The following MRTFA variants were observed in gnomAD, a reference collection of about 807,000 sequenced individuals.
MRTFA encodes the protein myocardin related transcription factor A, also known as myocardin-related transcription factor A.
In MRTFA, 20 loss-of-function variants were observed where a neutral mutation model predicts 83.5. That is an observed-to-expected ratio of 0.24 (90% CI 0.17 to 0.35). The LOEUF (loss-of-function observed/expected upper bound fraction) is 0.35, where lower values mean the gene tolerates loss of function less well. Ranked by LOEUF, MRTFA falls within the 10% of genes least tolerant of loss-of-function variation. The probability of loss-of-function intolerance (pLI) is 1.00; values close to 1 mark genes in which losing one functional copy is unlikely to be tolerated. For missense variants in MRTFA, 1,200 were observed against 1,224.7 expected, an observed-to-expected ratio of 0.98 and a Z score of 0.30; for synonymous variants, 659 against 541.2, an observed-to-expected ratio of 1.22 and a Z score of -3.02.
intron 3 of MRTFA, among the ~76,000 whole-genome samples, chr22:40,474,639 T>C (rs1366891226): frequency 6.7e-6 from 1 of 149,638 alleles, no homozygotes; most frequent in East Asian, 2.0e-4. Flanking sequence ...GAGGGCCTAC[T>C]GTATGCCAGA....
intron 3 of MRTFA, among the ~76,000 whole-genome samples, chr22:40,478,842 TGAAGACCCTTA>T (rs1167389603): frequency 6.6e-6 from 1 of 152,186 alleles, no homozygotes; most frequent in Non-Finnish European, 1.5e-5. Flanking sequence ...ACCTTTCATC[TGAAGACCCTTA>T]GATTGACCCC....
chr22:40,450,652 T>G (rs1396211686), intron 4 of MRTFA, among the ~76,000 whole-genome samples: 1 of 151,838 alleles, frequency 6.6e-6, no homozygotes, highest in Non-Finnish European at 1.5e-5. Context: ...GAAACAGGGT[T>G]TCATCACATT....
rs556478203 is a variant in MRTFA, at chr22:40,603,336, C to T, written c.-83-8601G>A. On this transcript the variant is annotated intron_variant, in intron 1 of 14. Transcript: ENST00000355630. ...TCATTTTCCAGACAAATCTTAAAGG[C>T]CTGTAATTTACAACATCAAAAAGTA... Among the ~76,000 whole-genome samples the T allele has an allele frequency of 7.2e-5, 11 of 152,266 alleles. 1 individual carries two copies. In the South Asian group the frequency reaches 2.3e-3, roughly 32 times the overall value.
intron 1 of MRTFA, among the ~76,000 whole-genome samples, chr22:40,599,635 A>G (rs538776862): frequency 9.9e-5 from 15 of 152,162 alleles, no homozygotes; most frequent in Non-Finnish European, 1.9e-4. Context: ...AGTGGCTCAC[A>G]CCTGTAATTC....
At chr22:40,476,616 C>T (rs1349374811) in intron 3 of MRTFA, among the ~76,000 whole-genome samples, 1 of 152,062 alleles carries the variant, frequency 6.6e-6, no homozygotes, top group African/African-American at 2.4e-5. Flanking sequence ...CACGCACCAC[C>T]ACAAATGGCT....
At chr22:40,576,024 ATTTC>A (rs2055862633) in intron 2 of MRTFA, among the ~76,000 whole-genome samples, 1 of 146,256 alleles carries the variant, frequency 6.8e-6, no homozygotes, top group Non-Finnish European at 1.5e-5. Flanking sequence ...ATAGATGTAA[ATTTC>A]TTTTTTTTTT....
chr22:40,586,361 T>C (rs1569340519), intron 2 of MRTFA, among the ~76,000 whole-genome samples: 2 of 151,962 alleles, frequency 1.3e-5, no homozygotes, highest in African/African-American at 2.4e-5. Flanking sequence ...CCATCAACCA[T>C]GAAGATACAA....
At position 40,573,988 on chromosome 22, in the gene MRTFA, A is replaced by C. The variant is rs562185789; in HGVS notation, c.-22+20686T>G. Among the ~76,000 whole-genome samples the C allele has an allele frequency of 3.9e-5, 6 of 152,036 alleles. No individual in the cohort carries two copies. The South Asian group carries it at 1.0e-3, about 26-fold the overall frequency. Reference sequence around the variant, plus strand: ...TGGTCTCGAATTCATGGGCTCAAACAATCCTCCTGCCTTGGCCTCCCAAAA... The same window carrying C: ...TGGTCTCGAATTCATGGGCTCAAACCATCCTCCTGCCTTGGCCTCCCAAAA... On this transcript the variant is annotated intron_variant, in intron 2 of 14. Transcript: ENST00000355630.
intron 4 of MRTFA, among the ~76,000 whole-genome samples, chr22:40,459,672 T>C (rs969619962): frequency 6.6e-6 from 1 of 151,252 alleles, no homozygotes; most frequent in African/African-American, 2.4e-5. Flanking sequence ...TATTTCAGTT[T>C]GTCAGACTCT....
At chr22:40,592,788 C>T (rs2056140590) in intron 2 of MRTFA, among the ~76,000 whole-genome samples, 1 of 152,146 alleles carries the variant, frequency 6.6e-6, no homozygotes, top group Non-Finnish European at 1.5e-5. Context: ...CTACCACACC[C>T]AGCCTGGTAA....
At chr22:40,509,358 G>A (rs888286704) in intron 3 of MRTFA, among the ~76,000 whole-genome samples, 5 of 152,120 alleles carry the variant, frequency 3.3e-5, no homozygotes, top group African/African-American at 1.2e-4. Context: ...AGAATATAAT[G>A]CCAATATCAT....
In MRTFA at chr22:40,494,328, G is replaced by A. The variant is rs751119481; in HGVS notation, c.242-31042C>T. Among the ~76,000 whole-genome samples, 139 of 152,114 alleles carry A rather than the reference G, an allele frequency of 9.1e-4. 1 individual carries two copies. In the Middle Eastern group the frequency reaches 0.02, roughly 22 times the overall value. ...AAAAAAGAGCTATATGTGAATATTC[G>A]TAGCAGCTTTATTTGTGATTGCCAA... On this transcript the variant is annotated intron_variant, in intron 3 of 14. Coordinates refer to ENST00000355630, the MANE Select transcript of MRTFA (RefSeq NM_020831.6).
intron 1 of MRTFA, among the ~76,000 whole-genome samples, chr22:40,623,735 T>C (rs977824376): frequency 1.3e-5 from 2 of 152,214 alleles, no homozygotes; most frequent in Non-Finnish European, 2.9e-5. Flanking sequence ...AAAATTAACA[T>C]GTATTAAATA....
intron 2 of MRTFA, among the ~76,000 whole-genome samples, chr22:40,564,481 C>T (rs189679498): frequency 1.2e-3 from 187 of 152,212 alleles, no homozygotes; most frequent in African/African-American, 3.9e-3. Context: ...GTTGATAATT[C>T]ATAAATTCCT....
chr22:40,419,954 C>T (rs541474374), intron 11 of MRTFA, among the ~76,000 whole-genome samples: 3 of 152,302 alleles, frequency 2.0e-5, no homozygotes, highest in African/African-American at 4.8e-5. Flanking sequence ...CTGCATTAAC[C>T]GGCAAAGGGG....
intron 2 of MRTFA, among the ~76,000 whole-genome samples, chr22:40,567,417 A>G (rs764423746): frequency 2.0e-5 from 3 of 152,254 alleles, no homozygotes; most frequent in Non-Finnish European, 4.4e-5. Context: ...AGAAGTCCAC[A>G]CGCTACGTAT....
chr22:40,459,074 CAA>C (rs748583788), intron 4 of MRTFA, among the ~76,000 whole-genome samples: 33 of 87,214 alleles, frequency 3.8e-4, no homozygotes, highest in Admixed American at 6.3e-4. Flanking sequence ...GACTTTGTCT[CAA>C]AAAAAAAAAA....
Position 40,527,872 on chromosome 22 carries a change from G to A in MRTFA, c.241+24234C>T, listed in dbSNP as rs564983635. Among the ~76,000 whole-genome samples the A allele has an allele frequency of 2.6e-5, 4 of 151,892 alleles. No homozygotes were observed. The South Asian group carries it at 8.3e-4, about 32-fold the overall frequency. On this transcript the variant is annotated intron_variant, in intron 3 of 14. Coordinates refer to ENST00000355630, the MANE Select transcript of MRTFA (RefSeq NM_020831.6). ...GCACTGTTTTAATAAAGCTAAAACT[G>A]TAGTTCTTGGTCTTGACAGCTTGCC...
intron 1 of MRTFA, among the ~76,000 whole-genome samples, chr22:40,609,234 T>A (rs1260453746): frequency 6.7e-6 from 1 of 149,748 alleles, no homozygotes; most frequent in African/African-American, 2.5e-5. Flanking sequence ...GAGGTTGCAG[T>A]GTGCTGAGAT....
Sources: gnomAD v4.1 joint callset for allele counts (sites outside exome capture counted in the v4.1 genomes callset) on GRCh38, gnomAD v4.1.1 for gene constraint, MANE v1.5 for transcripts, NCBI Gene and HGNC (gene_info 2026-07-23, HGNC 2026-07-21) for gene names.